CALN1: variants seen among roughly 807,000 people sequenced by gnomAD.
The protein encoded by CALN1 is calcium-binding protein 8.
Under a neutral mutation model 30.6 loss-of-function variants are expected in CALN1, and 17 were observed. The ratio of observed to expected loss-of-function variants is 0.56; its 90% CI spans 0.38 to 0.83. The LOEUF (loss-of-function observed/expected upper bound fraction) is 0.83, where lower values mean the gene tolerates loss of function less well. CALN1 is among the 40% of genes least tolerant of loss of function. CALN1 has a pLI of 0.00. For synonymous variants in CALN1, 156 were observed against 131.4 expected (o/e 1.19, Z -1.28); for missense variants, 291 against 354.9 (o/e 0.82, Z 1.45).
At chr7:72,261,219 A>G (rs1796250763) in intron 3 of CALN1, among the ~76,000 whole-genome samples, 1 of 152,126 alleles carries the variant, frequency 6.6e-6, no homozygotes, top group Admixed American at 6.5e-5. Context: ...GAGGCAGGAG[A>G]ATTGCTTGAA....
At chr7:71,831,689 C>G (rs1424813616) in intron 5 of CALN1, among the ~76,000 whole-genome samples, 1 of 151,022 alleles carries the variant, frequency 6.6e-6, no homozygotes, top group African/African-American at 2.4e-5. Context: ...AGTTCGAGAC[C>G]AGTCTAGGCA....
chr7:71,918,821 C>A (rs78402304), intron 5 of CALN1, among the ~76,000 whole-genome samples: 1 of 152,298 alleles, frequency 6.6e-6, no homozygotes, highest in East Asian at 1.9e-4. Context: ...AAGCCATGTT[C>A]AAGTCTTCCT....
At chr7:71,841,918 G>T (rs550760549) in intron 5 of CALN1, among the ~76,000 whole-genome samples, 1 of 151,744 alleles carries the variant, frequency 6.6e-6, no homozygotes, top group Non-Finnish European at 1.5e-5. Context: ...CCATTTGAAT[G>T]ATGGGTTCAA....
At chr7:72,009,923 A>T (rs965563530) in intron 5 of CALN1, among the ~76,000 whole-genome samples, 1 of 152,234 alleles carries the variant, frequency 6.6e-6, no homozygotes, top group Non-Finnish European at 1.5e-5. Context: ...GCATGAAAAC[A>T]GACTAATACA....
chr7:72,037,933 G>C (rs529540031), intron 4 of CALN1, among the ~76,000 whole-genome samples: 10 of 152,332 alleles, frequency 6.6e-5, no homozygotes, highest in African/African-American at 2.4e-4. Flanking sequence ...TCCCCACAGG[G>C]GGAAAATAAA....
chr7:72,485,243 A>G, the CALN1 span, among the ~76,000 whole-genome samples: 6 of 152,106 alleles, frequency 3.9e-5, no homozygotes, highest in Non-Finnish European at 7.4e-5. Flanking sequence ...CAACAGAGCA[A>G]GACTCTTAAG....
At position 72,106,263 on chromosome 7, in the gene CALN1, C is replaced by T; in HGVS notation, c.276G>A (p.Arg92=). 1 of 1,614,076 alleles carries T rather than the reference C, an allele frequency of 6.2e-7. No homozygotes were observed. Among genetic ancestry groups the T allele is most frequent in the Non-Finnish European group, 8.5e-7 (1 of 1,180,020 alleles). The part of the protein sequence containing the change: ...EIREAFRVLD[R]DGNGFISKQE... ...GCTTGGAGATGAAGCCGTTCCCATC[C>T]CGGTCCAGAACCCGAAAGGCCTCTC... Residue 92 remains arginine, a synonymous_variant, in exon 4 of 7, where the codon CGG becomes CGA. Transcript: ENST00000395275.
chr7:72,193,769 C>T (rs1283802419), intron 3 of CALN1, among the ~76,000 whole-genome samples: 1 of 152,184 alleles, frequency 6.6e-6, no homozygotes, highest in Non-Finnish European at 1.5e-5. Flanking sequence ...ATTGTCTATA[C>T]TATTCAGCCA....
At chr7:72,396,863 C>A (rs1312281014) in intron 2 of CALN1, among the ~76,000 whole-genome samples, 1 of 152,162 alleles carries the variant, frequency 6.6e-6, no homozygotes, top group Non-Finnish European at 1.5e-5. Flanking sequence ...ATAGGATCAT[C>A]TATCTGTGTC....
intron 5 of CALN1, among the ~76,000 whole-genome samples, chr7:71,979,345 G>C (rs185977974): frequency 2.0e-5 from 3 of 152,154 alleles, no homozygotes; most frequent in African/African-American, 7.2e-5. Flanking sequence ...TGTAAAATCA[G>C]TGGGAGCCCT....
At chr7:72,402,835 C>CA (rs1806433717) in intron 2 of CALN1, among the ~76,000 whole-genome samples, 1 of 152,160 alleles carries the variant, frequency 6.6e-6, no homozygotes, top group Admixed American at 6.5e-5. Flanking sequence ...TGATCTCAGT[C>CA]AAGCTGCCTG....
At chr7:72,298,569 T>C (rs1292708798) in intron 2 of CALN1, among the ~76,000 whole-genome samples, 1 of 152,072 alleles carries the variant, frequency 6.6e-6, no homozygotes, top group Non-Finnish European at 1.5e-5. Flanking sequence ...AAAGCTGAGG[T>C]TTCTTGGTAG....
chr7:72,313,090 C>T (rs1800170190), intron 2 of CALN1, among the ~76,000 whole-genome samples: 1 of 152,096 alleles, frequency 6.6e-6, no homozygotes. Context: ...CCACCTCGGC[C>T]TCCCAAAGTG....
intron 1 of CALN1, among the ~76,000 whole-genome samples, chr7:72,425,429 A>C (rs1205778307): frequency 6.6e-6 from 1 of 152,092 alleles, no homozygotes; most frequent in East Asian, 1.9e-4. Flanking sequence ...CCCAGTTACT[A>C]CCGGGGGCCC....
At chr7:71,967,306 A>C (rs1445399164) in intron 5 of CALN1, among the ~76,000 whole-genome samples, 1 of 152,128 alleles carries the variant, frequency 6.6e-6, no homozygotes, top group Admixed American at 6.6e-5. Flanking sequence ...GAGATATAAT[A>C]TGGCAGAAAA....
At chr7:72,474,842 GT>G in the CALN1 span, among the ~76,000 whole-genome samples, 1 of 152,178 alleles carries the variant, frequency 6.6e-6, no homozygotes, top group Non-Finnish European at 1.5e-5. Context: ...GGGCTGTGCA[GT>G]CCCTAAACAC....
intron 6 of CALN1, among the ~76,000 whole-genome samples, chr7:71,790,347 AAAAGAAAGAAAGAAAGAAAGAAAAGAAAG>A (rs1203503151): frequency 1.8e-4 from 21 of 115,554 alleles, no homozygotes; most frequent in Non-Finnish European, 3.6e-4. Context: ...AGAAAGAAAG[AAAAGAAAGAAAGAAAGAAAGAAAAGAAAG>A]AAAGAAAGAA....
At chr7:71,923,146 C>A (rs1795067438) in intron 5 of CALN1, among the ~76,000 whole-genome samples, 1 of 152,026 alleles carries the variant, frequency 6.6e-6, no homozygotes, top group African/African-American at 2.4e-5. Context: ...GGCTGCTGTT[C>A]TTTGTTGGTA....
At chr7:71,814,087 T>C (rs1016671714) in intron 5 of CALN1, among the ~76,000 whole-genome samples, 3 of 152,128 alleles carry the variant, frequency 2.0e-5, no homozygotes, top group African/African-American at 7.2e-5. Context: ...CTGGGAATCT[T>C]GGAGAACAAT....
Sources: allele counts gnomAD v4.1 joint callset (sites outside exome capture counted in the v4.1 genomes callset), GRCh38; gene constraint gnomAD v4.1.1; transcripts MANE v1.5; gene names NCBI Gene and HGNC (gene_info 2026-07-23, HGNC 2026-07-21).